WWOX: variants seen among roughly 807,000 people sequenced by gnomAD.
The protein encoded by WWOX is WW domain containing oxidoreductase.
A neutral mutation model predicts 46.2 loss-of-function variants in WWOX; 69 were observed. That is an observed-to-expected ratio of 1.49 (90% CI 1.23 to 1.82). WWOX has a LOEUF of 1.82. Ranked by LOEUF, WWOX falls within the 40% of genes most tolerant of loss-of-function variation. The pLI is 0.00. For missense variants in WWOX, 919 were observed against 542.6 expected (o/e 1.69, Z -6.89); for synonymous variants, 359 against 202.6 (o/e 1.77, Z -6.56).
intron 8 of WWOX, among the ~76,000 whole-genome samples, chr16:78,827,938 A>C (rs910886546): frequency 5.9e-5 from 9 of 152,194 alleles, no homozygotes; most frequent in Non-Finnish European, 8.8e-5. Context: ...AGTCAGAGTA[A>C]GGGGGCTAAG....
rs924510302 is a variant in WWOX at position 78,424,738 on chromosome 16, C to T, written c.606-132C>T. On this transcript the variant is annotated intron_variant, in intron 6 of 8. Transcript: ENST00000566780. ...TCTAGAAGACGGAGAAAGAATTTCT[C>T]ATTCCCGAAGGAGCATGGATTATCC... is the stretch of plus-strand genomic sequence containing the variant. 31 of 1,041,742 alleles carry T rather than the reference C, an allele frequency of 3.0e-5. No homozygotes were observed. The East Asian group carries it at 3.8e-4, about 13-fold the overall frequency. The allele number at this position is 1,041,742 out of a possible 1,614,324, so 64.5% of individuals were successfully genotyped here.
At chr16:78,465,104 C>G (rs1229353908) in intron 8 of WWOX, among the ~76,000 whole-genome samples, 1 of 152,172 alleles carries the variant, frequency 6.6e-6, no homozygotes, top group Admixed American at 6.5e-5. Flanking sequence ...CAGGCAGATC[C>G]CATGGCTTTG....
chr16:78,264,079 C>G (rs1355438581), intron 5 of WWOX, among the ~76,000 whole-genome samples: 2 of 131,350 alleles, frequency 1.5e-5, no homozygotes, highest in African/African-American at 6.0e-5. Context: ...TGGCCACCTG[C>G]CCTAAGTGTA....
chr16:79,157,021 A>C (rs1315695050), intron 8 of WWOX, among the ~76,000 whole-genome samples: 5 of 152,252 alleles, frequency 3.3e-5, no homozygotes, highest in African/African-American at 1.2e-4. Context: ...GGCACAGGGC[A>C]CATGGTAAAA....
intron 8 of WWOX, among the ~76,000 whole-genome samples, chr16:79,186,656 G>T (rs6564654): frequency 0.34 from 51,138 of 151,952 alleles, 9,251 homozygotes; most frequent in Middle Eastern, 0.42. Context: ...TTCGGGACAT[G>T]ATTCAACCTA....
chr16:79,056,172 C>T (rs2048258231), intron 8 of WWOX, among the ~76,000 whole-genome samples: 2 of 151,220 alleles, frequency 1.3e-5, no homozygotes, highest in African/African-American at 2.4e-5. Context: ...CTAAAGTTTC[C>T]CTTCTTTGGT....
chr16:78,789,825 G>T (rs1405000046), intron 8 of WWOX, among the ~76,000 whole-genome samples: 1 of 152,120 alleles, frequency 6.6e-6, no homozygotes, highest in African/African-American at 2.4e-5. Context: ...CCAGCTGTAG[G>T]GGATATATTT....
At chr16:78,238,005 A>G in intron 5 of WWOX, 1 of 152,180 alleles carries the variant, frequency 6.6e-6, no homozygotes, top group East Asian at 1.9e-4. Context: ...TACAAAATAG[A>G]TTAAGTGATG....
intron 8 of WWOX, among the ~76,000 whole-genome samples, chr16:78,992,546 A>G (rs980675616): frequency 1.3e-5 from 2 of 152,204 alleles, no homozygotes; most frequent in Non-Finnish European, 1.5e-5. Flanking sequence ...CAAGTGTTGT[A>G]TGGATGTGAG....
At chr16:79,160,855 C>G (rs566919631) in intron 8 of WWOX, among the ~76,000 whole-genome samples, 13 of 149,716 alleles carry the variant, frequency 8.7e-5, no homozygotes, top group African/African-American at 2.7e-4. Flanking sequence ...TGTACGTATA[C>G]ACGCACACAT....
At chr16:78,414,936 G>A (rs2082765183) in intron 6 of WWOX, among the ~76,000 whole-genome samples, 2 of 152,068 alleles carry the variant, frequency 1.3e-5, no homozygotes, top group African/African-American at 4.8e-5. Context: ...AGAATTTGGG[G>A]TGAGTCTATA....
chr16:78,430,309 C>A (rs745953601), intron 7 of WWOX, among the ~76,000 whole-genome samples: 1 of 152,150 alleles, frequency 6.6e-6, no homozygotes, highest in African/African-American at 2.4e-5. Context: ...TATTACAATT[C>A]AGTGTGAGAT....
chr16:79,186,818 C>G (rs965695626), intron 8 of WWOX, among the ~76,000 whole-genome samples: 1 of 152,062 alleles, frequency 6.6e-6, no homozygotes, highest in African/African-American at 2.4e-5. Flanking sequence ...GTCAGGGAAG[C>G]TTAGTCCACA....
At chr16:78,800,211 A>T (rs909445242) in intron 8 of WWOX, among the ~76,000 whole-genome samples, 2 of 151,834 alleles carry the variant, frequency 1.3e-5, no homozygotes, top group Non-Finnish European at 2.9e-5. Flanking sequence ...GGTAGATGCG[A>T]TTTTAATGAT....
chr16:78,302,682 C>T (rs1290905061), intron 5 of WWOX, among the ~76,000 whole-genome samples: 1 of 152,204 alleles, frequency 6.6e-6, no homozygotes. Flanking sequence ...CCACAATCTC[C>T]ACCATACCTT....
chr16:79,177,455 C>G (rs2050823415), intron 8 of WWOX, among the ~76,000 whole-genome samples: 1 of 152,146 alleles, frequency 6.6e-6, no homozygotes, highest in Admixed American at 6.5e-5. Flanking sequence ...CTCTTATGGT[C>G]AGGCTCATAA....
chr16:78,991,580 G>C (rs1444487612), intron 8 of WWOX, among the ~76,000 whole-genome samples: 1 of 103,888 alleles, frequency 9.6e-6, no homozygotes, highest in East Asian at 3.4e-4. Context: ...CAGACTGGGA[G>C]ACACAGCAAG....
chr16:78,355,323 C>T (rs1202087220), intron 5 of WWOX, among the ~76,000 whole-genome samples: 1 of 152,068 alleles, frequency 6.6e-6, no homozygotes, highest in Non-Finnish European at 1.5e-5. Context: ...GTGTATGGTG[C>T]TGGGCGCAGT....
At chr16:78,452,486 T>A (rs553347687) in intron 8 of WWOX, among the ~76,000 whole-genome samples, 1 of 149,974 alleles carries the variant, frequency 6.7e-6, no homozygotes, top group African/African-American at 2.5e-5. Flanking sequence ...TTTTTTTTTT[T>A]TTTTTTTTGA....
Sources: gnomAD v4.1 joint callset for allele counts (sites outside exome capture counted in the v4.1 genomes callset) on GRCh38, gnomAD v4.1.1 for gene constraint, MANE v1.5 for transcripts, NCBI Gene and HGNC (gene_info 2026-07-23, HGNC 2026-07-21) for gene names.